The following TTC8 variants were observed in gnomAD, a reference collection of about 807,000 sequenced individuals.
The protein encoded by TTC8 is tetratricopeptide repeat protein 8.
A neutral mutation model predicts 72.5 loss-of-function variants in TTC8; 47 were observed. That is an observed-to-expected ratio of 0.65 (90% CI 0.51 to 0.83). The LOEUF (loss-of-function observed/expected upper bound fraction) is 0.83. Ranked by LOEUF, TTC8 falls within the 40% of genes least tolerant of loss-of-function variation. The pLI is 0.00. For synonymous variants in TTC8, 199 were observed against 221.4 expected (o/e 0.90, Z 0.90); for missense variants, 611 against 623.2 (o/e 0.98, Z 0.21).
chr14:88,852,013 A>G (rs1478486291), intron 7 of TTC8, among the ~76,000 whole-genome samples: 4 of 152,204 alleles, frequency 2.6e-5, no homozygotes, highest in Non-Finnish European at 5.9e-5. Flanking sequence ...AAAATCTAAG[A>G]GGTACTTTAA....
At chr14:88,828,151 T>C (rs984340300) in intron 1 of TTC8, among the ~76,000 whole-genome samples, 1 of 152,134 alleles carries the variant, frequency 6.6e-6, no homozygotes, top group Admixed American at 6.5e-5. Context: ...TATAATTTCA[T>C]TATGGGCATT....
In TTC8 at chr14:88,833,728, G is replaced by C. The variant is rs1300928814; in HGVS notation, c.144+6G>C. 6.2e-7 allele frequency: 1 copy of C among 1,613,246 alleles called. No individual in the cohort carries two copies. The highest frequency in any genetic ancestry group is 8.5e-7 in the Non-Finnish European group (1 of 1,179,348). Reference sequence around the variant, plus strand: ...CTGAATTGCCAGTGCATCAGGTAAAGAAAGGTTTAGCTGCAACCTTTAGTT... The same window carrying C: ...CTGAATTGCCAGTGCATCAGGTAAACAAAGGTTTAGCTGCAACCTTTAGTT... On this transcript the variant is annotated splice_donor_region_variant and intron_variant, in intron 2 of 14. Transcript: ENST00000380656.
intron 2 of TTC8, among the ~76,000 whole-genome samples, chr14:88,834,883 T>G (rs1347498500): frequency 6.6e-6 from 1 of 152,214 alleles, no homozygotes; most frequent in African/African-American, 2.4e-5. Flanking sequence ...GCACAAGGAC[T>G]CATGAAAAAT....
chr14:88,835,139 A>G (rs901084455), intron 2 of TTC8, among the ~76,000 whole-genome samples: 2 of 152,216 alleles, frequency 1.3e-5, no homozygotes, highest in Non-Finnish European at 1.5e-5. Context: ...ACTGAGTCTT[A>G]TGATGCTAAA....
chr14:88,835,148 A>T (rs1288403095), intron 2 of TTC8, among the ~76,000 whole-genome samples: 1 of 152,194 alleles, frequency 6.6e-6, no homozygotes, highest in Admixed American at 6.5e-5. Flanking sequence ...TATGATGCTA[A>T]ATCAGGTCAG....
Position 88,841,115 on chromosome 14 carries a change from A to C in TTC8, c.408A>C (p.Glu136Asp). The C allele has an allele frequency of 1.9e-6, 3 of 1,614,124 alleles. No individual in the cohort carries two copies. Among genetic ancestry groups the C allele is most frequent in the Non-Finnish European group, 2.5e-6 (3 of 1,180,010 alleles). ...STQSGRPGTM[E>D]QAIRTPRTAY... ...AGAGTGGAAGGCCAGGCACTATGGA[A>C]CAGGCTATCAGAACACCCAGAACCG... The change falls in exon 5 of 15, where the codon GAA becomes GAC. Residue 136 changes from glutamate to aspartate, a missense_variant. By Grantham distance (45) the Glu-to-Asp change is conservative. Transcript: ENST00000380656.
chr14:88,875,033 C>T lies in TTC8; in HGVS notation c.1355C>T (p.Ala452Val). Residue 452 changes from alanine to valine, a missense_variant, in exon 14 of 15, where the codon GCA becomes GTA. Coordinates refer to ENST00000380656, the MANE Select transcript of TTC8 (RefSeq NM_144596.4). ...MRKGHVEQAR[A>V]LLQTASSLAP... ...CTTTATTTTTATACACAGGCAAGGG[C>T]ACTATTACAAACTGCATCATCATTA... The T allele has an allele frequency of 6.2e-7, 1 of 1,611,716 alleles. No homozygotes were observed. The highest frequency in any genetic ancestry group is 8.5e-7 in the Non-Finnish European group (1 of 1,179,112).
chr14:88,859,560 G>A (rs1176051780), intron 9 of TTC8, among the ~76,000 whole-genome samples: 2 of 151,796 alleles, frequency 1.3e-5, no homozygotes, highest in African/African-American at 4.8e-5. Flanking sequence ...CTAATGGGTA[G>A]TAGGCTTAAT....
At chr14:88,831,160 TG>T in intron 1 of TTC8, 1 of 217,266 alleles carries the variant, frequency 4.6e-6, no homozygotes, top group South Asian at 5.7e-5. Flanking sequence ...CTGCCCTCAC[TG>T]CTCATCAGTA....
At chr14:88,868,727 G>A (rs1485699039) in intron 10 of TTC8, among the ~76,000 whole-genome samples, 2 of 152,172 alleles carry the variant, frequency 1.3e-5, no homozygotes, top group Non-Finnish European at 1.5e-5. Context: ...TGGGAGCATG[G>A]TGAACCTGGT....
intron 1 of TTC8, 102 bp from the exon 2 acceptor site, chr14:88,833,591 T>G: frequency 4.1e-6 from 4 of 972,374 alleles, no homozygotes; most frequent in Non-Finnish European, 6.6e-6. Flanking sequence ...TCTTATTGAA[T>G]GAGTTAGAGT....
At chr14:88,873,009 C>G (rs2094941835) in intron 13 of TTC8, among the ~76,000 whole-genome samples, 1 of 152,238 alleles carries the variant, frequency 6.6e-6, no homozygotes, top group African/African-American at 2.4e-5. Context: ...CTATGATACA[C>G]TCTTCTCAGA....
chr14:88,870,069 A>G lies in TTC8; in HGVS notation c.920A>G (p.Asn307Ser), dbSNP rs1308129262. The G allele has an allele frequency of 6.2e-7, 1 of 1,613,990 alleles. No homozygotes were observed. Among genetic ancestry groups the G allele is most frequent in the Non-Finnish European group, 8.5e-7 (1 of 1,179,926 alleles). Residue 307 changes from asparagine (N) to serine (S), a missense_variant, in exon 11 of 15, where the codon AAT becomes AGT. By Grantham distance (46) the Asn-to-Ser change is conservative. Transcript: ENST00000380656. ...GIARIYEEMN[N>S]MSSAAEYYKE... Reference sequence around the variant, plus strand: ...CTTGATGGAGAATAGGAAATGAACAATATGTCATCAGCAGCAGAATATTAC... The same window carrying G: ...CTTGATGGAGAATAGGAAATGAACAGTATGTCATCAGCAGCAGAATATTAC...
chr14:88,840,834 T>C (rs1329969490), intron 3 of TTC8, 31 bp from the exon 4 acceptor site: 2 of 1,605,724 alleles, frequency 1.2e-6, no homozygotes, highest in Non-Finnish European at 8.5e-7. Flanking sequence ...ATAGATAATA[T>C]ATAAATTGTA....
Position 88,834,049 on chromosome 14 carries a change from A to G in TTC8, c.144+327A>G. ...CAAGGGCTTAGAAAGGGAGCGGGAG[A>G]GTCAGCGGAATGACAAATGTCTGAA... On this transcript the variant is annotated intron_variant, in intron 2 of 14. Coordinates refer to ENST00000380656, the MANE Select transcript of TTC8 (RefSeq NM_144596.4). 5.7e-6 allele frequency: 2 copies of G among 348,838 alleles called. 1 individual carries two copies. The highest frequency in any genetic ancestry group is 5.9e-5 in the South Asian group (2 of 33,652). The allele number at this position is 348,838 out of a possible 1,614,324, so 21.6% of individuals were successfully genotyped here. A position where few individuals can be genotyped will look rare whatever the true frequency, so the allele number is the denominator to read the frequency against.
At chr14:88,858,585 T>C (rs1416365663) in intron 9 of TTC8, among the ~76,000 whole-genome samples, 3 of 151,898 alleles carry the variant, frequency 2.0e-5, no homozygotes, top group African/African-American at 7.3e-5. Flanking sequence ...ATGTGATATA[T>C]TCAACTTAAA....
rs2094963659 is a variant in TTC8 at position 88,877,911 on chromosome 14, T to C, written c.*501T>C. 6.6e-6 allele frequency: 1 copy of C among 152,292 alleles called. No individual in the cohort carries two copies. Among genetic ancestry groups the C allele is most frequent in the Non-Finnish European group, 1.5e-5 (1 of 68,102 alleles). 9.4% of individuals were successfully genotyped at this position (152,292 alleles called of 1,614,324 possible). On this transcript the variant is annotated 3_prime_UTR_variant, in exon 15 of 15. Coordinates refer to ENST00000380656, the MANE Select transcript of TTC8 (RefSeq NM_144596.4). The stretch of plus-strand genomic sequence containing the variant: ...GAGACTTTCCTTAAGACTTTAAAAA[T>C]GTATTTAAAACTATTTTTTATTAAA...
At chr14:88,824,958 G>A in intron 1 of TTC8, 137 bp downstream of exon 1, 1 of 785,968 alleles carries the variant, frequency 1.3e-6, no homozygotes, top group African/African-American at 1.7e-5. Context: ...GAGGCGCCCG[G>A]AGCGAGACCT....
At position 88,847,766 on chromosome 14, in the gene TTC8, A is replaced by G. The variant is rs536165666; in HGVS notation, c.624+3916A>G. 1.0e-3 allele frequency among the ~76,000 whole-genome samples: 152 copies of G among 152,150 alleles called. 3 individuals carry two copies. Among genetic ancestry groups the G allele is most frequent in the Non-Finnish European group, 3.1e-4 (21 of 68,022 alleles). On this transcript the variant is annotated intron_variant, in intron 7 of 14. Coordinates refer to ENST00000380656, the MANE Select transcript of TTC8 (RefSeq NM_144596.4). Reference sequence around the variant, plus strand: ...AAACAAAATCAGAAGTAAAAGGGCAATAGAAGGGGGAATTATGTACATGAA... The same window carrying G: ...AAACAAAATCAGAAGTAAAAGGGCAGTAGAAGGGGGAATTATGTACATGAA...
Sources: gnomAD v4.1 joint callset for allele counts (sites outside exome capture counted in the v4.1 genomes callset) on GRCh38, gnomAD v4.1.1 for gene constraint, MANE v1.5 for transcripts, NCBI Gene and HGNC (gene_info 2026-07-23, HGNC 2026-07-21) for gene names.